The following SNTG1 variants were observed in gnomAD, a reference collection of about 807,000 sequenced individuals.
The protein encoded by SNTG1 is gamma-1-syntrophin.
Under a neutral mutation model 74.7 loss-of-function variants are expected in SNTG1, and 39 were observed. That is an observed-to-expected ratio of 0.52 (90% CI 0.40 to 0.68). The LOEUF (loss-of-function observed/expected upper bound fraction) is 0.68, where lower values mean the gene tolerates loss of function less well. Ranked by LOEUF, SNTG1 falls within the 30% of genes least tolerant of loss-of-function variation. SNTG1 has a pLI of 0.00. For missense variants in SNTG1, 685 were observed against 609.5 expected (o/e 1.12, Z -1.30); for synonymous variants, 254 against 217.1 (o/e 1.17, Z -1.49).
intron 13 of SNTG1, chr8:50,644,364 TC>T (rs1213268251): frequency 6.6e-6 from 1 of 152,282 alleles, no homozygotes; most frequent in Non-Finnish European, 1.5e-5. Context: ...GACAAATACC[TC>T]CTCTTCCTCT....
At chr8:50,762,583 G>A (rs2095602049) in intron 18 of SNTG1, 1 of 376,970 alleles carries the variant, frequency 2.7e-6, no homozygotes, top group Non-Finnish European at 5.3e-6. Context: ...TGTGCTTCTT[G>A]GGAGTCTCCA....
intron 5 of SNTG1, among the ~76,000 whole-genome samples, chr8:50,447,892 T>C (rs1294477261): frequency 6.6e-6 from 1 of 152,186 alleles, no homozygotes; most frequent in Admixed American, 6.5e-5. Context: ...CTAATCTTAT[T>C]TACCACTTTA....
intron 11 of SNTG1, among the ~76,000 whole-genome samples, chr8:50,541,472 G>A (rs546785568): frequency 6.6e-6 from 1 of 151,634 alleles, no homozygotes; most frequent in Non-Finnish European, 1.5e-5. Context: ...CTTCACCTCT[G>A]TTATTTGATC....
At chr8:50,029,863 C>G (rs1817599255) in intron 1 of SNTG1, among the ~76,000 whole-genome samples, 1 of 151,974 alleles carries the variant, frequency 6.6e-6, no homozygotes, top group Admixed American at 6.6e-5. Flanking sequence ...TGTATATACC[C>G]AGCAGTGGGA....
chr8:50,624,646 C>A (rs1585879381), intron 13 of SNTG1, among the ~76,000 whole-genome samples: 1 of 152,088 alleles, frequency 6.6e-6, no homozygotes, highest in South Asian at 2.1e-4. Flanking sequence ...AGCACTCTAG[C>A]CTTGAAAAAG....
intron 1 of SNTG1, among the ~76,000 whole-genome samples, chr8:50,034,133 C>T (rs1817957092): frequency 6.6e-6 from 1 of 152,168 alleles, no homozygotes; most frequent in Non-Finnish European, 1.5e-5. Context: ...CAATCAGGCA[C>T]ATTTCTCTCA....
intron 2 of SNTG1, among the ~76,000 whole-genome samples, chr8:50,351,996 T>C (rs972482676): frequency 3.3e-5 from 5 of 152,178 alleles, no homozygotes; most frequent in African/African-American, 1.2e-4. Flanking sequence ...TATCCTGCCA[T>C]AGAGATTTTA....
chr8:50,617,094 G>T (rs2094889950), intron 13 of SNTG1, among the ~76,000 whole-genome samples: 1 of 152,078 alleles, frequency 6.6e-6, no homozygotes, highest in Admixed American at 6.6e-5. Context: ...CATCTCTATT[G>T]TCCTGTGATT....
intron 16 of SNTG1, among the ~76,000 whole-genome samples, chr8:50,705,385 C>T (rs1045641476): frequency 6.6e-6 from 1 of 152,072 alleles, no homozygotes; most frequent in Non-Finnish European, 1.5e-5. Flanking sequence ...TCATGAAAAG[C>T]AATTACATTT....
chr8:50,386,778 C>T (rs1436458500), intron 2 of SNTG1, among the ~76,000 whole-genome samples: 1 of 152,116 alleles, frequency 6.6e-6, no homozygotes. Flanking sequence ...CTTATTACTA[C>T]AGGGAGGACA....
chr8:50,350,339 G>A (rs990735526), intron 2 of SNTG1, among the ~76,000 whole-genome samples: 4 of 152,170 alleles, frequency 2.6e-5, no homozygotes, highest in African/African-American at 9.6e-5. Context: ...AGCTCCACCT[G>A]TGGCCCTGGT....
At chr8:50,455,663 T>C (rs974078061) in intron 8 of SNTG1, among the ~76,000 whole-genome samples, 13 of 152,184 alleles carry the variant, frequency 8.5e-5, no homozygotes, top group Non-Finnish European at 1.5e-4. Context: ...TTACTTTAGA[T>C]TAATCAGACA....
At chr8:50,498,211 T>G (rs1457648675) in intron 8 of SNTG1, among the ~76,000 whole-genome samples, 1 of 151,904 alleles carries the variant, frequency 6.6e-6, no homozygotes, top group Non-Finnish European at 1.5e-5. Flanking sequence ...ATTGTGACAT[T>G]TTCAGTTTTA....
intron 1 of SNTG1, among the ~76,000 whole-genome samples, chr8:50,154,896 A>G (rs1259903630): frequency 6.6e-6 from 1 of 152,236 alleles, no homozygotes; most frequent in East Asian, 1.9e-4. Context: ...TATAAAGCCT[A>G]TAGTTCAGTT....
chr8:50,551,807 T>C (rs2094428654), intron 11 of SNTG1, among the ~76,000 whole-genome samples: 3 of 152,164 alleles, frequency 2.0e-5, no homozygotes, highest in South Asian at 2.1e-4. Context: ...CTTTTTTCAT[T>C]ATAAAATGCT....
At chr8:50,593,608 T>G (rs2094706622) in intron 13 of SNTG1, among the ~76,000 whole-genome samples, 1 of 152,102 alleles carries the variant, frequency 6.6e-6, no homozygotes, top group South Asian at 2.1e-4. Flanking sequence ...CTTGAAATCA[T>G]ATTAGTGTAT....
chr8:50,663,094 G>T (rs2095232899), intron 15 of SNTG1, among the ~76,000 whole-genome samples: 1 of 152,082 alleles, frequency 6.6e-6, no homozygotes, highest in Non-Finnish European at 1.5e-5. Flanking sequence ...TCATGGCAGG[G>T]GTTGGAGTCC....
intron 18 of SNTG1, among the ~76,000 whole-genome samples, chr8:50,784,970 A>T (rs1414198282): frequency 6.6e-6 from 1 of 152,166 alleles, no homozygotes; most frequent in Non-Finnish European, 1.5e-5. Flanking sequence ...GTCAAAAAAA[A>T]TCACGGTGAA....
At position 50,371,823 on chromosome 8, in the gene SNTG1, T is replaced by G. The variant is rs906917476; in HGVS notation, c.-27-22389T>G. On this transcript the variant is annotated intron_variant, in intron 2 of 18. Transcript: ENST00000642720. ...TCGTGTCTTCTGACCATTTTTAACT[T>G]AAAATCAATTTTGTGTAAGTATAGC... Among the ~76,000 whole-genome samples the G allele has an allele frequency of 3.9e-5, 6 of 152,192 alleles. No individual in the cohort carries two copies. The East Asian group carries it at 1.2e-3, about 29-fold the overall frequency.
Sources: allele counts gnomAD v4.1 joint callset (sites outside exome capture counted in the v4.1 genomes callset), GRCh38; gene constraint gnomAD v4.1.1; transcripts MANE v1.5; gene names NCBI Gene and HGNC (gene_info 2026-07-23, HGNC 2026-07-21).